Variants in CCL17 observed in about 807,000 individuals in gnomAD.
CCL17 encodes the protein C-C motif chemokine ligand 17.
A neutral mutation model predicts 7.4 loss-of-function variants in CCL17; 8 were observed. That is an observed-to-expected ratio of 1.09 (90% confidence interval 0.64 to 1.96). The LOEUF is 1.96. CCL17 is among the 30% of genes most tolerant of loss of function. The pLI, the probability that CCL17 is intolerant of heterozygous loss-of-function variation, is 0.00. For missense variants in CCL17, 102 were observed against 113.0 expected (o/e 0.90, Z 0.44); for synonymous variants, 40 against 46.1 (o/e 0.87, Z 0.54).
chr16:57,414,736 A>G (rs1902840819), intron 2 of CCL17, among the ~76,000 whole-genome samples: 1 of 152,136 alleles, frequency 6.6e-6, no homozygotes, highest in Non-Finnish European at 1.5e-5. Context: ...GAAAGGAAAA[A>G]TGAAATAAGG....
Position 57,404,777 on chromosome 16 carries a change from A to C in CCL17, c.-119A>C, listed in dbSNP as rs1452915141. ...GCTGTAGAAACTGAGGCTCAGAGAGAAGTGACTTTGAGCTCACAGTGTCAC... is the reference window on the plus strand; with the variant it reads ...GCTGTAGAAACTGAGGCTCAGAGAGCAGTGACTTTGAGCTCACAGTGTCAC... On this transcript the variant is annotated 5_prime_UTR_variant, in exon 1 of 4. Transcript: ENST00000219244. 1 of 154,332 alleles carries C rather than the reference A, an allele frequency of 6.5e-6. No homozygotes were observed. Among genetic ancestry groups the C allele is most frequent in the Non-Finnish European group, 1.5e-5 (1 of 68,220 alleles). 9.6% of individuals were successfully genotyped at this position (154,332 alleles called of 1,614,324 possible).
At chr16:57,397,754 T>C in the CCL17 span, among the ~76,000 whole-genome samples, 1 of 152,222 alleles carries the variant, frequency 6.6e-6, no homozygotes, top group African/African-American at 2.4e-5. Context: ...TACACATTTA[T>C]TCTTTTTTTC....
chr16:57,403,484 A>ATAATATATATATTAT, upstream of CCL17, among the ~76,000 whole-genome samples: 1 of 1,976 alleles, frequency 5.1e-4, no homozygotes, highest in South Asian at 0.025. Flanking sequence ...TATATTATAT[A>ATAATATATATATTAT]ATAATATATA....
upstream of CCL17, among the ~76,000 whole-genome samples, chr16:57,403,489 T>TATATATTATAATATATATATTATATAATA (rs1902637798): frequency 5.0e-3 from 7 of 1,398 alleles, 1 homozygote; most frequent in Non-Finnish European, 0.043. Flanking sequence ...TATATAATAA[T>TATATATTATAATATATATATTATATAATA]ATATATATTA....
At chr16:57,411,982 G>A (rs1902791867) in intron 1 of CCL17, among the ~76,000 whole-genome samples, 1 of 152,364 alleles carries the variant, frequency 6.6e-6, no homozygotes, top group African/African-American at 2.4e-5. Context: ...GCACAGGAGG[G>A]GTGGCTGGGG....
chr16:57,406,041 C>A (rs1363569740), intron 1 of CCL17, among the ~76,000 whole-genome samples: 14 of 145,016 alleles, frequency 9.7e-5, no homozygotes, highest in Admixed American at 1.4e-4. Flanking sequence ...GACTCCGTCT[C>A]AAAAAAAAAA....
At chr16:57,413,503 G>A (rs1271831618) in intron 1 of CCL17, among the ~76,000 whole-genome samples, 5 of 152,118 alleles carry the variant, frequency 3.3e-5, no homozygotes, top group East Asian at 1.9e-4. Flanking sequence ...CTGCCTGGTT[G>A]ACTCCCCGAC....
At chr16:57,411,345 G>A (rs537386366) in intron 1 of CCL17, among the ~76,000 whole-genome samples, 47 of 152,182 alleles carry the variant, frequency 3.1e-4, no homozygotes, top group African/African-American at 1.1e-3. Context: ...TGCCAGCCAG[G>A]CAGCCTGCAC....
chr16:57,403,559 A>T (rs1902643983), upstream of CCL17, among the ~76,000 whole-genome samples: 1 of 53,848 alleles, frequency 1.9e-5, no homozygotes. Flanking sequence ...TTTTATATAT[A>T]TATAATATAT....
At chr16:57,403,541 AAT>A (rs1902642292), upstream of CCL17, among the ~76,000 whole-genome samples, 2 of 33,650 alleles carry the variant, frequency 5.9e-5, no homozygotes, top group South Asian at 7.9e-4. Flanking sequence ...ATATATTATA[AAT>A]ATATATTTTA....
rs755422265 is a variant in CCL17, at chr16:57,415,724, TC to T, written c.189-34del. 1.3e-4 allele frequency: 175 copies of T among 1,339,404 alleles called. No homozygotes were observed. The highest frequency in any genetic ancestry group is 1.7e-4 in the Non-Finnish European group (155 of 930,672). The allele number at this position is 1,339,404 out of a possible 1,614,324, so 83.0% of individuals were successfully genotyped here. On this transcript the variant is annotated intron_variant, in intron 3 of 3. Transcript: ENST00000219244. This position sits in a 1 kb window ranked among gnomAD's most constrained non-coding sequence, Gnocchi z 4.5. The stretch of plus-strand genomic sequence containing the variant: ...CCGTCCCAGGGACTCTGGGGGCCCT[TC>T]CCCCCCTGCCACTCCTGGTAACGTC...
At chr16:57,400,263 CT>C (rs377340672), upstream of CCL17, among the ~76,000 whole-genome samples, 1 of 151,306 alleles carries the variant, frequency 6.6e-6, no homozygotes, top group African/African-American at 2.4e-5. Context: ...GGAGGCTGAG[CT>C]AGGAGAATGG....
Position 57,415,678 on chromosome 16 carries a change from T to A in CCL17, c.189-87T>A, listed in dbSNP as rs1169900363. 1 of 826,850 alleles carries A rather than the reference T, an allele frequency of 1.2e-6. No individual in the cohort carries two copies. The highest frequency in any genetic ancestry group is 2.1e-6 in the Non-Finnish European group (1 of 477,166). 51.2% of individuals were successfully genotyped at this position (826,850 alleles called of 1,614,324 possible). A position where few individuals can be genotyped will look rare whatever the true frequency, so the allele number is the denominator to read the frequency against. On this transcript the variant is annotated intron_variant, in intron 3 of 3. Coordinates refer to ENST00000219244, the MANE Select transcript of CCL17 (RefSeq NM_002987.3). This position sits in a 1 kb window ranked among gnomAD's most constrained non-coding sequence, Gnocchi z 4.5. ...TCCTGCCCCTCTTGGAGCCTTGGAA[T>A]CCTGGTCAGCACAGGGCGGGCCGTC... is the stretch of plus-strand genomic sequence containing the variant.
At chr16:57,401,059 C>T (rs1902584926), upstream of CCL17, among the ~76,000 whole-genome samples, 1 of 151,816 alleles carries the variant, frequency 6.6e-6, no homozygotes, top group Admixed American at 6.6e-5. Flanking sequence ...TCTTCTTCTT[C>T]TTCTTCTTTT....
chr16:57,403,621 A>AT (rs1353491421), upstream of CCL17, among the ~76,000 whole-genome samples: 21 of 71,566 alleles, frequency 2.9e-4, 1 homozygote, highest in Non-Finnish European at 5.0e-4. Flanking sequence ...TATATTTATA[A>AT]TATATATTAT....
In CCL17 at chr16:57,415,614, C is replaced by T; in HGVS notation, c.189-151C>T. 1.6e-6 allele frequency: 1 copy of T among 619,456 alleles called. No homozygotes were observed. The highest frequency in any genetic ancestry group is 2.9e-6 in the Non-Finnish European group (1 of 341,248). 38.4% of individuals were successfully genotyped at this position (619,456 alleles called of 1,614,324 possible). A position where few individuals can be genotyped will look rare whatever the true frequency, so the allele number is the denominator to read the frequency against. On this transcript the variant is annotated intron_variant, in intron 3 of 3. Coordinates refer to ENST00000219244, the MANE Select transcript of CCL17 (RefSeq NM_002987.3). This position sits in a 1 kb window ranked among gnomAD's most constrained non-coding sequence, Gnocchi z 4.5. ...ATTACTCGGGACAGAGCCTGAAGTC[C>T]CAGATCTGCCACCAATGCCCTGTGT...
At chr16:57,406,896 T>C (rs1236218421) in intron 1 of CCL17, among the ~76,000 whole-genome samples, 4 of 152,010 alleles carry the variant, frequency 2.6e-5, no homozygotes, top group Non-Finnish European at 5.9e-5. Flanking sequence ...CCTCTGCTGG[T>C]AATCACTGCC....
Position 57,413,899 on chromosome 16 carries a change from GCA to G in CCL17, c.-29_-28del. ...GGTGTCTCCCTGAGCAGAGGGACCT[GCA>G]CACAGAGACTCCCTCCTGGGCTCCT... On this transcript the variant is annotated 5_prime_UTR_variant, in exon 2 of 4. Transcript: ENST00000219244. The G allele has an allele frequency of 6.3e-7, 1 of 1,577,836 alleles. No individual in the cohort carries two copies. The highest frequency in any genetic ancestry group is 8.6e-7 in the Non-Finnish European group (1 of 1,158,730).
chr16:57,403,908 C>T (rs1479317424), upstream of CCL17, among the ~76,000 whole-genome samples: 2 of 151,372 alleles, frequency 1.3e-5, no homozygotes, highest in African/African-American at 4.9e-5. Context: ...CCACCTGCCT[C>T]GGCCTCCCAA....
Sources: gnomAD v4.1 joint callset for allele counts (sites outside exome capture counted in the v4.1 genomes callset) on GRCh38, gnomAD v4.1.1 for gene constraint, Gnocchi (gnomAD v3.1) non-coding constraint, MANE v1.5 for transcripts, NCBI Gene and HGNC (gene_info 2026-07-23, HGNC 2026-07-21) for gene names.